VRK1: variants seen among roughly 807,000 people sequenced by gnomAD.
VRK1 encodes serine/threonine-protein kinase VRK1.
VRK1 carries 33 observed loss-of-function variants against 57.1 expected under a neutral mutation model. That is an observed-to-expected ratio of 0.58 (90% CI 0.44 to 0.77). VRK1 has a LOEUF of 0.77. Among genes scored for constraint, VRK1 ranks in the 30% least tolerant of loss-of-function variants. The probability of loss-of-function intolerance (pLI) is 0.00; values close to 1 mark genes in which losing one functional copy is unlikely to be tolerated. For synonymous variants in VRK1, 137 were observed against 147.8 expected (o/e 0.93, Z 0.53); for missense variants, 413 against 477.3 (o/e 0.87, Z 1.25).
intron 11 of VRK1, among the ~76,000 whole-genome samples, chr14:96,871,831 T>G (rs1164097203): frequency 6.6e-6 from 1 of 151,936 alleles, no homozygotes; most frequent in East Asian, 1.9e-4. Context: ...TTATTTTTAT[T>G]TTTTTTTGAG....
chr14:96,853,731 T>C (rs1367714090), intron 7 of VRK1, among the ~76,000 whole-genome samples: 1 of 152,106 alleles, frequency 6.6e-6, no homozygotes, highest in Admixed American at 6.5e-5. Context: ...TATACCTTTA[T>C]TTAGGTCAGT....
At chr14:96,847,852 A>G (rs749174237) in intron 5 of VRK1, among the ~76,000 whole-genome samples, 50 of 152,226 alleles carry the variant, frequency 3.3e-4, no homozygotes, top group Non-Finnish European at 5.3e-4. Flanking sequence ...TTAGAGAACA[A>G]TTAAGTGCTA....
chr14:96,799,699 A>C (rs1885581236), intron 1 of VRK1, among the ~76,000 whole-genome samples: 1 of 152,194 alleles, frequency 6.6e-6, no homozygotes, highest in Non-Finnish European at 1.5e-5. Context: ...TGAGGCTTTC[A>C]TGAAAATTGC....
chr14:96,879,654 C>T (rs552713447), intron 12 of VRK1, among the ~76,000 whole-genome samples: 2 of 152,086 alleles, frequency 1.3e-5, no homozygotes, highest in African/African-American at 2.4e-5. Context: ...ATAGGCCGGG[C>T]GCAGTGGCTC....
intron 10 of VRK1, among the ~76,000 whole-genome samples, chr14:96,859,689 A>G (rs1049707340): frequency 6.6e-6 from 1 of 151,980 alleles, no homozygotes; most frequent in Non-Finnish European, 1.5e-5. Context: ...AACTGATAAG[A>G]TCTCTTGAAG....
chr14:96,852,202 CAGGAAGTAATGTGACTCAGCCA>C (rs1167169832), intron 5 of VRK1, among the ~76,000 whole-genome samples: 1 of 152,150 alleles, frequency 6.6e-6, no homozygotes, highest in African/African-American at 2.4e-5. Flanking sequence ...AATTGAGGCC[CAGGAAGTAATGTGACTCAGCCA>C]AGGTGACATA....
At chr14:96,797,805 G>A (rs2139669839) in intron 1 of VRK1, among the ~76,000 whole-genome samples, 1 of 152,364 alleles carries the variant, frequency 6.6e-6, no homozygotes, top group Non-Finnish European at 1.5e-5. Context: ...TCTGTCAGGC[G>A]GGGCTCCGGG....
rs748566735 is a variant in VRK1, at chr14:96,881,138, A to G, written c.1160-39A>G. 6.4e-6 allele frequency: 10 copies of G among 1,562,592 alleles called. 1 individual carries two copies. The African/African-American group carries it at 6.8e-5, about 11-fold the overall frequency. ...TTCTGTTCTTTTGCTTTTGTAAATT[A>G]TTGACTAGTGATTTCAGTTTCTTTG... On this transcript the variant is annotated intron_variant, in intron 12 of 12. Coordinates refer to ENST00000216639, the MANE Select transcript of VRK1 (RefSeq NM_003384.3).
In VRK1 at chr14:96,836,688, C is replaced by T. The variant is rs148619737; in HGVS notation, c.161-1074C>T. Among the ~76,000 whole-genome samples the T allele has an allele frequency of 1.6e-3, 237 of 151,946 alleles. 1 individual carries two copies. Among genetic ancestry groups the T allele is most frequent in the African/African-American group, 5.1e-3 (212 of 41,434 alleles). The stretch of plus-strand genomic sequence containing the variant: ...AACAGGTGCGTGCCACCACCATGCC[C>T]GGCTAATTTTTGTATTTTAAGTAAA... On this transcript the variant is annotated intron_variant, in intron 2 of 12. Coordinates refer to ENST00000216639, the MANE Select transcript of VRK1 (RefSeq NM_003384.3).
chr14:96,837,431 C>A (rs1258017924), intron 2 of VRK1, among the ~76,000 whole-genome samples: 1 of 152,108 alleles, frequency 6.6e-6, no homozygotes, highest in Non-Finnish European at 1.5e-5. Context: ...TATTACTTAT[C>A]CTCTGGGGAA....
At chr14:96,816,821 A>G (rs1156470987) in intron 1 of VRK1, among the ~76,000 whole-genome samples, 1 of 152,238 alleles carries the variant, frequency 6.6e-6, no homozygotes, top group Non-Finnish European at 1.5e-5. Context: ...TCAAAGACAC[A>G]TCAGCCACGT....
chr14:96,860,627 A>G lies in VRK1; in HGVS notation c.960A>G (p.Leu320=). 1 of 1,613,324 alleles carries G rather than the reference A, an allele frequency of 6.2e-7. No homozygotes were observed. Among genetic ancestry groups the G allele is most frequent in the Non-Finnish European group, 8.5e-7 (1 of 1,179,490 alleles). ...CTGAAAAACCTCTTTATGAAAATTT[A>G]CGTGACATTCTTTTGCAAGGACTAA... The part of the protein sequence containing the change: ...DYTEKPLYEN[L]RDILLQGLKA... The change falls in exon 11 of 13, where the codon TTA becomes TTG. Residue 320 remains leucine, a synonymous_variant. Transcript: ENST00000216639.
chr14:96,802,716 T>G (rs766880693), intron 1 of VRK1, among the ~76,000 whole-genome samples: 4 of 152,248 alleles, frequency 2.6e-5, no homozygotes, highest in Non-Finnish European at 5.9e-5. Context: ...GACATTTCAA[T>G]AAGTAGTTCA....
intron 3 of VRK1, among the ~76,000 whole-genome samples, chr14:96,843,190 G>A (rs1022721402): frequency 6.6e-6 from 1 of 152,244 alleles, no homozygotes; most frequent in African/African-American, 2.4e-5. Flanking sequence ...CAGGAGAAAT[G>A]TTGGATAATG....
At chr14:96,835,510 G>T (rs1312139036) in intron 2 of VRK1, among the ~76,000 whole-genome samples, 1 of 151,958 alleles carries the variant, frequency 6.6e-6, no homozygotes, top group African/African-American at 2.4e-5. Context: ...TGATTTCCCT[G>T]TCTTTTATCT....
intron 1 of VRK1, among the ~76,000 whole-genome samples, chr14:96,803,217 G>T (rs1037185691): frequency 6.7e-6 from 1 of 149,942 alleles, no homozygotes; most frequent in Non-Finnish European, 1.5e-5. Context: ...TGTCCCCCAG[G>T]CTGGAGTGCA....
intron 1 of VRK1, among the ~76,000 whole-genome samples, chr14:96,802,097 CAG>C (rs1358031673): frequency 6.6e-6 from 1 of 152,136 alleles, no homozygotes; most frequent in Non-Finnish European, 1.5e-5. Flanking sequence ...CTTGTTTTTT[CAG>C]ACTTGCAGAA....
Position 96,848,225 on chromosome 14 carries a change from C to A in VRK1, c.374+881C>A, listed in dbSNP as rs1887791986. On this transcript the variant is annotated intron_variant, in intron 5 of 12. Coordinates refer to ENST00000216639, the MANE Select transcript of VRK1 (RefSeq NM_003384.3). ...TGGTCGCCAGGTGGCTGCTCCATTT[C>A]TAGGCTTCACATGCAGGCACAGTAC... Among the ~76,000 whole-genome samples, 4 of 152,118 alleles carry A rather than the reference C, an allele frequency of 2.6e-5. No individual in the cohort carries two copies. The South Asian group carries it at 8.3e-4, about 31-fold the overall frequency.
intron 2 of VRK1, among the ~76,000 whole-genome samples, chr14:96,837,000 A>G (rs970249067): frequency 5.9e-5 from 9 of 152,116 alleles, no homozygotes; most frequent in Admixed American, 2.6e-4. Context: ...TTTGTCCTCT[A>G]TAGCACTTCA....
Sources: gnomAD v4.1 joint callset for allele counts (sites outside exome capture counted in the v4.1 genomes callset) on GRCh38, gnomAD v4.1.1 for gene constraint, MANE v1.5 for transcripts, NCBI Gene and HGNC (gene_info 2026-07-23, HGNC 2026-07-21) for gene names.